Variants in ZEB1 observed in about 807,000 individuals in gnomAD.
ZEB1 encodes the protein zinc finger E-box binding homeobox 1, also known as zinc finger E-box-binding homeobox 1.
In ZEB1, 21 loss-of-function variants were observed where a neutral mutation model predicts 84.9. The ratio of observed to expected loss-of-function variants is 0.25; its 90% CI spans 0.18 to 0.36. The LOEUF is 0.36. Ranked by LOEUF, ZEB1 falls within the 10% of genes least tolerant of loss-of-function variation. The pLI, the probability that ZEB1 is intolerant of heterozygous loss-of-function variation, is 1.00. For missense variants in ZEB1, 1,104 were observed against 1,330.2 expected (o/e 0.83, Z 2.65); for synonymous variants, 420 against 471.1 (o/e 0.89, Z 1.41).
At chr10:31,469,624 C>T (rs1185547664) in intron 2 of ZEB1, among the ~76,000 whole-genome samples, 4 of 152,226 alleles carry the variant, frequency 2.6e-5, no homozygotes, top group East Asian at 1.9e-4. Flanking sequence ...AAGGCAGCAG[C>T]GAGGCTGGGG....
At chr10:31,397,676 A>G (rs945128048) in intron 1 of ZEB1, among the ~76,000 whole-genome samples, 70 of 152,186 alleles carry the variant, frequency 4.6e-4, no homozygotes, top group African/African-American at 1.5e-3. Context: ...TGTATGGCCT[A>G]TGACCTAAGA....
rs1406424153 is a variant in ZEB1, at chr10:31,397,173, TA to T, written c.59-63863del. On this transcript the variant is annotated intron_variant, in intron 1 of 8. Transcript: ENST00000424869. ...ATCTTGGGTTTTTTATTATTATTAT[TA>T]TTATTATTATTATTATTATTATTAT... 8.3e-5 allele frequency among the ~76,000 whole-genome samples: 12 copies of T among 144,814 alleles called. No individual in the cohort carries two copies. The East Asian group carries it at 2.4e-3, about 29-fold the overall frequency.
At chr10:31,331,081 C>CTTTTTTTTTTTTTTTTTTTTTTTTTGTTT (rs2036654369) in intron 1 of ZEB1, among the ~76,000 whole-genome samples, 1 of 77,872 alleles carries the variant, frequency 1.3e-5, no homozygotes, top group Non-Finnish European at 2.5e-5. Context: ...TTCTTTCTTT[C>CTTTTTTTTTTTTTTTTTTTTTTTTTGTTT]TTTTTTTTTT....
intron 1 of ZEB1, among the ~76,000 whole-genome samples, chr10:31,328,111 A>G (rs2035986224): frequency 1.3e-5 from 2 of 152,194 alleles, no homozygotes; most frequent in African/African-American, 4.8e-5. Flanking sequence ...GGTAGTAAGA[A>G]GTCCTTCCTA....
rs771285077 is a variant in ZEB1, at chr10:31,520,469, T to C, written c.1137T>C (p.Gly379=). 3.1e-6 allele frequency: 5 copies of C among 1,614,014 alleles called. No individual in the cohort carries two copies. The change falls in exon 7 of 9, where the codon GGT becomes GGC. Residue 379 remains glycine (G), a synonymous_variant. Transcript: ENST00000424869. This position sits in a 1 kb window ranked among gnomAD's most constrained non-coding sequence, Gnocchi z 5.1. ...TPLQNGVFTG[G]GPLQATSSPQ... Reference sequence around the variant, plus strand: ...TACAAAATGGGGTTTTCACTGGTGGTGGCCCATTACAGGCAACCAGTTCTC... The same window carrying C: ...TACAAAATGGGGTTTTCACTGGTGGCGGCCCATTACAGGCAACCAGTTCTC...
intron 1 of ZEB1, among the ~76,000 whole-genome samples, chr10:31,382,307 A>G (rs1398617564): frequency 1.3e-5 from 2 of 152,194 alleles, no homozygotes; most frequent in South Asian, 2.1e-4. Context: ...GGAACATGCT[A>G]TCTATGTTCA....
chr10:31,526,551 A>G (rs1378042233), intron 8 of ZEB1, 121 bp from the exon 9 acceptor site: 18 of 1,257,030 alleles, frequency 1.4e-5, no homozygotes, highest in East Asian at 5.0e-5. Context: ...GGACCTGGAA[A>G]TGTTTTAAAA....
chr10:31,331,099 T>C (rs1471653696), intron 1 of ZEB1, among the ~76,000 whole-genome samples: 1 of 132,786 alleles, frequency 7.5e-6, no homozygotes. Context: ...TTTTTTTTTT[T>C]TTTTTTTTGA....
In ZEB1 at chr10:31,529,515, A is replaced by G. The variant is rs1834743543; in HGVS notation, c.*2251A>G. The stretch of plus-strand genomic sequence containing the variant: ...TCAGCTCCTGCACTTCTGTCATCAT[A>G]CCTCTGATACTATTATTTATATTCC... On this transcript the variant is annotated 3_prime_UTR_variant, in exon 9 of 9. Transcript: ENST00000424869. The G allele has an allele frequency of 6.6e-6, 1 of 152,140 alleles. No homozygotes were observed. The highest frequency in any genetic ancestry group is 2.4e-5 in the African/African-American group (1 of 41,404). The allele number at this position is 152,140 out of a possible 1,614,324, so 9.4% of individuals were successfully genotyped here.
intron 1 of ZEB1, among the ~76,000 whole-genome samples, chr10:31,385,550 G>A (rs184417787): frequency 7.0e-5 from 10 of 142,726 alleles, no homozygotes; most frequent in African/African-American, 2.1e-4. Flanking sequence ...TTTTTGAGAC[G>A]GAGTCTAGCT....
intron 1 of ZEB1, among the ~76,000 whole-genome samples, chr10:31,378,588 G>GT (rs2047092260): frequency 6.6e-6 from 1 of 151,572 alleles, no homozygotes; most frequent in Admixed American, 6.6e-5. Flanking sequence ...GCAATGATAT[G>GT]AAAGAAGACA....
chr10:31,445,846 A>G (rs1262506132), intron 1 of ZEB1, among the ~76,000 whole-genome samples: 68 of 115,734 alleles, frequency 5.9e-4, no homozygotes, highest in African/African-American at 2.2e-3. Flanking sequence ...TTTTGCATCA[A>G]TGTTCATCAA....
rs766380256 is a variant in ZEB1, at chr10:31,521,415, A to G, written c.2083A>G (p.Thr695Ala). 1 of 1,614,086 alleles carries G rather than the reference A, an allele frequency of 6.2e-7. No individual in the cohort carries two copies. The highest frequency in any genetic ancestry group is 1.3e-5 in the African/African-American group (1 of 75,040). The change falls in exon 7 of 9, where the codon ACC (threonine) becomes GCC (alanine). Residue 695 changes from threonine (T) to alanine (A), a missense_variant. By Grantham distance (58) the Thr-to-Ala change is moderately conservative. Coordinates refer to ENST00000424869, the MANE Select transcript of ZEB1 (RefSeq NM_001174096.2). ...TNSPVLPVGS[T>A]TNGSRSSTPS... Reference sequence around the variant, plus strand: ...CTCCCCAGTTTTACCAGTGGGATCAACCACCAATGGTTCCAGAAGTAGTAC... The same window carrying G: ...CTCCCCAGTTTTACCAGTGGGATCAGCCACCAATGGTTCCAGAAGTAGTAC...
intron 1 of ZEB1, among the ~76,000 whole-genome samples, chr10:31,401,151 A>G (rs1286571924): frequency 6.6e-6 from 1 of 152,234 alleles, no homozygotes; most frequent in Non-Finnish European, 1.5e-5. Flanking sequence ...AGATTGGGCA[A>G]TAAAAATCAT....
chr10:31,371,823 G>T (rs1014447105), intron 1 of ZEB1, among the ~76,000 whole-genome samples: 10 of 152,246 alleles, frequency 6.6e-5, no homozygotes, highest in African/African-American at 1.9e-4. Context: ...CTAACTGAGG[G>T]TCAGTGTTAT....
intron 1 of ZEB1, among the ~76,000 whole-genome samples, chr10:31,438,321 C>T (rs1024225865): frequency 2.6e-5 from 4 of 151,952 alleles, no homozygotes; most frequent in Non-Finnish European, 5.9e-5. Flanking sequence ...TACTATCTTT[C>T]AAAAATAAGA....
intron 1 of ZEB1, among the ~76,000 whole-genome samples, chr10:31,392,587 C>T (rs1306975136): frequency 6.6e-6 from 1 of 151,862 alleles, no homozygotes; most frequent in Non-Finnish European, 1.5e-5. Flanking sequence ...ATACCTTTTT[C>T]TCAAAATGAA....
intron 1 of ZEB1, among the ~76,000 whole-genome samples, chr10:31,426,680 GA>G (rs1462330740): frequency 6.6e-6 from 1 of 152,166 alleles, no homozygotes; most frequent in African/African-American, 2.4e-5. Flanking sequence ...TCTAGTGCCA[GA>G]TTGTATAGTG....
chr10:31,472,793 G>A (rs1028359390), intron 2 of ZEB1, among the ~76,000 whole-genome samples: 12 of 140,046 alleles, frequency 8.6e-5, no homozygotes, highest in African/African-American at 3.4e-4. Flanking sequence ...GATGAACATT[G>A]ATGCAAAAAT....
Sources: gnomAD v4.1 joint callset for allele counts (sites outside exome capture counted in the v4.1 genomes callset) on GRCh38, gnomAD v4.1.1 for gene constraint, Gnocchi (gnomAD v3.1) non-coding constraint, MANE v1.5 for transcripts, NCBI Gene and HGNC (gene_info 2026-07-23, HGNC 2026-07-21) for gene names.